EVA1A: variants seen among roughly 807,000 people sequenced by gnomAD.
EVA1A encodes the protein eva-1 homolog A, regulator of programmed cell death, also known as protein eva-1 homolog A.
In EVA1A, 7 loss-of-function variants were observed where a neutral mutation model predicts 9.8. That is an observed-to-expected ratio of 0.71 (90% confidence interval 0.41 to 1.34). EVA1A has a LOEUF of 1.34. Among genes scored for constraint, EVA1A ranks in the 40% most tolerant of loss-of-function variants. EVA1A has a pLI of 0.01. For synonymous variants in EVA1A, 90 were observed against 85.6 expected (o/e 1.05, Z -0.28); for missense variants, 206 against 205.9 (o/e 1.00, Z 0.00).
intron 1 of EVA1A, among the ~76,000 whole-genome samples, chr2:75,543,527 C>A (rs1676214055): frequency 2.0e-5 from 3 of 151,318 alleles, no homozygotes; most frequent in South Asian, 2.1e-4. Context: ...GAAAAAAAAA[C>A]AAAAAAAACC....
Position 75,502,292 on chromosome 2 carries a change from A to G in EVA1A, c.86-8683T>C, listed in dbSNP as rs114290195. On this transcript the variant is annotated intron_variant, in intron 3 of 3. Coordinates refer to ENST00000393913, the MANE Select transcript of EVA1A (RefSeq NM_001135032.2). The stretch of plus-strand genomic sequence containing the variant: ...ATAAATCTATCTCCATTTCTTAGAG[A>G]CTCCTATGTTCCCTACAAGGGTTTT... Among the ~76,000 whole-genome samples the G allele has an allele frequency of 3.6e-3, 546 of 152,066 alleles. 1 individual carries two copies. The highest frequency in any genetic ancestry group is 0.014 in the Middle Eastern group (4 of 294).
upstream of EVA1A, among the ~76,000 whole-genome samples, chr2:75,562,621 C>G (rs78923499): frequency 0.017 from 2,570 of 152,300 alleles, 77 homozygotes; most frequent in African/African-American, 0.058. Context: ...CCTCTCCGAC[C>G]TCTGTTTCCT....
At position 75,504,078 on chromosome 2, in the gene EVA1A, T is replaced by C. The variant is rs190070781; in HGVS notation, c.86-10469A>G. 2.6e-5 allele frequency among the ~76,000 whole-genome samples: 4 copies of C among 151,970 alleles called. No homozygotes were observed. In the East Asian group the frequency reaches 5.8e-4, roughly 22 times the overall value. On this transcript the variant is annotated intron_variant, in intron 3 of 3. Coordinates refer to ENST00000393913, the MANE Select transcript of EVA1A (RefSeq NM_001135032.2). The stretch of plus-strand genomic sequence containing the variant: ...ACGGGGTTTGTGTGTTGTCAGGGAG[T>C]GCTCAGCAAAATCTCTTCTCCAAAC...
intron 1 of EVA1A, among the ~76,000 whole-genome samples, chr2:75,528,748 T>A (rs1572969630): frequency 3.3e-5 from 5 of 152,084 alleles, no homozygotes; most frequent in African/African-American, 1.2e-4. Flanking sequence ...CCCCATTGCC[T>A]GAGAAACCCG....
chr2:75,510,196 T>C (rs372984137), intron 3 of EVA1A, among the ~76,000 whole-genome samples: 1 of 152,224 alleles, frequency 6.6e-6, no homozygotes, highest in Non-Finnish European at 1.5e-5. Flanking sequence ...ATTTATTTTG[T>C]AATAATTCAT....
chr2:75,497,451 G>C (rs1437927313), intron 3 of EVA1A, among the ~76,000 whole-genome samples: 1 of 152,090 alleles, frequency 6.6e-6, no homozygotes, highest in Admixed American at 6.5e-5. Context: ...AATCGTCAGA[G>C]AAATCATGAT....
intron 3 of EVA1A, among the ~76,000 whole-genome samples, chr2:75,496,681 T>A (rs1674222249): frequency 6.6e-6 from 1 of 151,756 alleles, no homozygotes; most frequent in Non-Finnish European, 1.5e-5. Context: ...GAAAAAAAAA[T>A]GATTCTAAAA....
At position 75,492,422 on chromosome 2, in the gene EVA1A, A is replaced by AC. The variant is rs1553414712; in HGVS notation, c.*813_*814insG. 6 of 152,036 alleles carry AC rather than the reference A, an allele frequency of 3.9e-5. No individual in the cohort carries two copies. The highest frequency in any genetic ancestry group is 2.1e-4 in the South Asian group (1 of 4,744). 9.4% of individuals were successfully genotyped at this position (152,036 alleles called of 1,614,324 possible). ...CTTTGAAATCCAATTAAAAAAAAAAAAAAAAACAAAGTGTTTAAAATCACA... is the reference window on the plus strand; with the variant it reads ...CTTTGAAATCCAATTAAAAAAAAAAACAAAAAACAAAGTGTTTAAAATCACA... On this transcript the variant is annotated 3_prime_UTR_variant, in exon 4 of 4. Transcript: ENST00000393913.
At chr2:75,523,160 G>A (rs1675291785) in intron 1 of EVA1A, among the ~76,000 whole-genome samples, 1 of 152,168 alleles carries the variant, frequency 6.6e-6, no homozygotes, top group Non-Finnish European at 1.5e-5. Flanking sequence ...AACTACTGTG[G>A]CTTCCGACTT....
At chr2:75,554,101 C>T (rs1193818815) in intron 1 of EVA1A, among the ~76,000 whole-genome samples, 3 of 152,162 alleles carry the variant, frequency 2.0e-5, no homozygotes, top group Non-Finnish European at 4.4e-5. Flanking sequence ...CAGCTTTAGG[C>T]AGCCCTTTTG....
At chr2:75,506,236 C>T (rs1238140069) in intron 3 of EVA1A, among the ~76,000 whole-genome samples, 1 of 152,204 alleles carries the variant, frequency 6.6e-6, no homozygotes, top group Non-Finnish European at 1.5e-5. Flanking sequence ...CTTAATGCTA[C>T]TTCCTTTTTT....
At chr2:75,494,457 T>C (rs10173399) in intron 3 of EVA1A, among the ~76,000 whole-genome samples, 40,476 of 152,202 alleles carry the variant, frequency 0.27, 6,809 homozygotes, top group African/African-American at 0.47. Context: ...TACTCTCTCC[T>C]TCTCTGGGGC....
At chr2:75,506,520 C>A (rs1177041842) in intron 3 of EVA1A, among the ~76,000 whole-genome samples, 1 of 152,198 alleles carries the variant, frequency 6.6e-6, no homozygotes, top group Admixed American at 6.5e-5. Context: ...TCAGCCCATG[C>A]AGGAAGCTCC....
At chr2:75,533,675 A>G (rs1367056187) in intron 1 of EVA1A, among the ~76,000 whole-genome samples, 1 of 152,008 alleles carries the variant, frequency 6.6e-6, no homozygotes, top group Non-Finnish European at 1.5e-5. Context: ...AGTTGCTCAC[A>G]CCTGTAATCC....
intron 1 of EVA1A, among the ~76,000 whole-genome samples, chr2:75,549,259 A>C (rs984014788): frequency 5.9e-5 from 9 of 152,070 alleles, no homozygotes; most frequent in Non-Finnish European, 1.0e-4. Context: ...ATGACAGAAA[A>C]TTCAGACCCT....
upstream of EVA1A, among the ~76,000 whole-genome samples, chr2:75,563,666 G>A (rs572141148): frequency 1.3e-5 from 2 of 152,272 alleles, no homozygotes; most frequent in African/African-American, 2.4e-5. Context: ...TCTGTAGCCC[G>A]TTTCTTAAGT....
intron 3 of EVA1A, among the ~76,000 whole-genome samples, chr2:75,498,846 T>C (rs1165875260): frequency 2.0e-5 from 3 of 151,982 alleles, no homozygotes; most frequent in African/African-American, 7.3e-5. Context: ...ACTCATTTGC[T>C]TACAAATAGC....
chr2:75,559,697 T>TGGGGGGGGGGGGGGG (rs36059976), intron 1 of EVA1A, among the ~76,000 whole-genome samples: 2 of 78,786 alleles, frequency 2.5e-5, no homozygotes, highest in African/African-American at 1.2e-4. Context: ...AGAAAGGAGG[T>TGGGGGGGGGGGGGGG]GGGGGGGGGG....
intron 1 of EVA1A, chr2:75,558,421 G>C (rs1490161107): frequency 1.3e-5 from 2 of 152,282 alleles, no homozygotes; most frequent in East Asian, 3.9e-4. Context: ...ATCACTGTGA[G>C]CATCGACGGC....
Sources: allele counts gnomAD v4.1 joint callset (sites outside exome capture counted in the v4.1 genomes callset), GRCh38; gene constraint gnomAD v4.1.1; transcripts MANE v1.5; gene names NCBI Gene and HGNC (gene_info 2026-07-23, HGNC 2026-07-21).